BTBD9: variants seen among roughly 807,000 people sequenced by gnomAD.
BTBD9 encodes BTB domain containing 9.
Under a neutral mutation model 64.3 loss-of-function variants are expected in BTBD9, and 49 were observed. The ratio of observed to expected loss-of-function variants is 0.76; its 90% CI spans 0.61 to 0.97. BTBD9 has a LOEUF of 0.97. BTBD9 is among the 50% of genes least tolerant of loss of function. The probability of loss-of-function intolerance (pLI) is 0.00; values close to 1 mark genes in which losing one functional copy is unlikely to be tolerated. For missense variants in BTBD9, 598 were observed against 762.1 expected, an observed-to-expected ratio of 0.78 and a Z score of 2.53; for synonymous variants, 260 against 274.7, an observed-to-expected ratio of 0.95 and a Z score of 0.53.
intron 6 of BTBD9, among the ~76,000 whole-genome samples, chr6:38,399,693 C>G (rs572180053): frequency 6.6e-6 from 1 of 152,134 alleles, no homozygotes; most frequent in African/African-American, 2.4e-5. Flanking sequence ...TTCCCAAAGT[C>G]CTTTGCAGCT....
chr6:38,204,849 C>T (rs1762579639), intron 9 of BTBD9, among the ~76,000 whole-genome samples: 1 of 151,952 alleles, frequency 6.6e-6, no homozygotes, highest in Non-Finnish European at 1.5e-5. Flanking sequence ...AAAAAAAACC[C>T]TAAATTATCC....
chr6:38,619,529 T>C (rs950742375), intron 1 of BTBD9, among the ~76,000 whole-genome samples: 1 of 152,172 alleles, frequency 6.6e-6, no homozygotes, highest in Non-Finnish European at 1.5e-5. Flanking sequence ...AGGCAATCAC[T>C]GGAAGGCACA....
intron 8 of BTBD9, among the ~76,000 whole-genome samples, chr6:38,278,718 A>G (rs1259606622): frequency 6.6e-6 from 1 of 152,252 alleles, no homozygotes; most frequent in African/African-American, 2.4e-5. Context: ...CAAAAGAACC[A>G]TTAGCCATTT....
At chr6:38,336,616 T>A (rs922675911) in intron 7 of BTBD9, among the ~76,000 whole-genome samples, 13 of 152,042 alleles carry the variant, frequency 8.6e-5, no homozygotes, top group Non-Finnish European at 1.5e-4. Flanking sequence ...TCCCACAACA[T>A]GTGGGATTAT....
intron 6 of BTBD9, among the ~76,000 whole-genome samples, chr6:38,514,561 T>C (rs1001990458): frequency 3.3e-5 from 5 of 152,142 alleles, no homozygotes; most frequent in Non-Finnish European, 7.4e-5. Context: ...AACATGTCCA[T>C]AAAATGTCAC....
intron 6 of BTBD9, among the ~76,000 whole-genome samples, chr6:38,349,343 A>T (rs1056782996): frequency 1.3e-5 from 2 of 152,192 alleles, no homozygotes; most frequent in Admixed American, 1.3e-4. Context: ...AGAGTAGATT[A>T]TAGGATGCAG....
intron 1 of BTBD9, among the ~76,000 whole-genome samples, chr6:38,599,864 A>G (rs1326520401): frequency 6.6e-6 from 1 of 152,228 alleles, no homozygotes; most frequent in East Asian, 1.9e-4. Context: ...GAACATGGAA[A>G]ATGAGCTAAG....
At chr6:38,438,349 G>A (rs1768850810) in intron 6 of BTBD9, among the ~76,000 whole-genome samples, 1 of 152,148 alleles carries the variant, frequency 6.6e-6, no homozygotes, top group Admixed American at 6.6e-5. Context: ...GCATAAGCCT[G>A]GGCAGCAGAA....
At chr6:38,548,854 A>G (rs1774673437) in intron 6 of BTBD9, among the ~76,000 whole-genome samples, 1 of 152,260 alleles carries the variant, frequency 6.6e-6, no homozygotes, top group Non-Finnish European at 1.5e-5. Flanking sequence ...AAGATGAGCA[A>G]TAAATCCATA....
At chr6:38,290,450 G>T (rs28445226) in intron 7 of BTBD9, among the ~76,000 whole-genome samples, 49,367 of 151,706 alleles carry the variant, frequency 0.33, 9,453 homozygotes, top group Non-Finnish European at 0.45. Context: ...ACAGTAAATT[G>T]AGCTGAGACA....
At chr6:38,490,666 G>A (rs761562612) in intron 6 of BTBD9, among the ~76,000 whole-genome samples, 9 of 152,144 alleles carry the variant, frequency 5.9e-5, no homozygotes, top group Non-Finnish European at 1.0e-4. Flanking sequence ...TGTGAAAGAA[G>A]GGAAGTCAGT....
intron 6 of BTBD9, among the ~76,000 whole-genome samples, chr6:38,555,228 C>A (rs1161449210): frequency 1.3e-5 from 2 of 152,106 alleles, no homozygotes; most frequent in Non-Finnish European, 2.9e-5. Flanking sequence ...GATGACTCAC[C>A]CCATCTCTAA....
At chr6:38,307,716 CA>C (rs1400420461) in intron 7 of BTBD9, among the ~76,000 whole-genome samples, 8 of 152,222 alleles carry the variant, frequency 5.3e-5, no homozygotes, top group Non-Finnish European at 1.0e-4. Flanking sequence ...TTGCCCAAAT[CA>C]CATCTTATCT....
At chr6:38,336,907 G>T (rs991113188) in intron 7 of BTBD9, among the ~76,000 whole-genome samples, 1 of 152,126 alleles carries the variant, frequency 6.6e-6, no homozygotes, top group East Asian at 1.9e-4. Context: ...CTGTGTCTAA[G>T]ATACACTCAG....
intron 6 of BTBD9, among the ~76,000 whole-genome samples, chr6:38,534,004 G>A (rs1014486432): frequency 6.6e-6 from 1 of 151,800 alleles, no homozygotes; most frequent in Non-Finnish European, 1.5e-5. Flanking sequence ...AACCAAAAAT[G>A]AGTAAAAGAA....
intron 6 of BTBD9, among the ~76,000 whole-genome samples, chr6:38,358,377 C>G (rs987969023): frequency 6.6e-6 from 1 of 152,208 alleles, no homozygotes; most frequent in African/African-American, 2.4e-5. Context: ...TGTGGATCCC[C>G]TGTAGGCTTC....
At chr6:38,335,621 A>G (rs892323284) in intron 7 of BTBD9, among the ~76,000 whole-genome samples, 10 of 151,768 alleles carry the variant, frequency 6.6e-5, no homozygotes, top group African/African-American at 2.4e-4. Flanking sequence ...GCTGGAGTGC[A>G]GCAGCATGAT....
chr6:38,243,331 A>G (rs2127525952), intron 9 of BTBD9, among the ~76,000 whole-genome samples: 1 of 152,336 alleles, frequency 6.6e-6, no homozygotes, highest in South Asian at 2.1e-4. Context: ...GAGATAGAAG[A>G]TGACCCAGGT....
At chr6:38,489,193 G>A (rs956734322) in intron 6 of BTBD9, among the ~76,000 whole-genome samples, 4 of 152,110 alleles carry the variant, frequency 2.6e-5, no homozygotes, top group African/African-American at 9.7e-5. Flanking sequence ...ACTGTGCCTG[G>A]CCCTTACAGC....
Sources: gnomAD v4.1 joint callset for allele counts (sites outside exome capture counted in the v4.1 genomes callset) on GRCh38, gnomAD v4.1.1 for gene constraint, MANE v1.5 for transcripts, NCBI Gene and HGNC (gene_info 2026-07-23, HGNC 2026-07-21) for gene names.